NAV2: variants seen among roughly 807,000 people sequenced by gnomAD.
The protein encoded by NAV2 is helicase, APC down-regulated 1.
In NAV2, 54 loss-of-function variants were observed where a neutral mutation model predicts 223.2. The ratio of observed to expected loss-of-function variants is 0.24; its 90% confidence interval spans 0.19 to 0.30. The LOEUF (loss-of-function observed/expected upper bound fraction) is 0.30. Among genes scored for constraint, NAV2 ranks in the 10% least tolerant of loss-of-function variants. The pLI, the probability that NAV2 is intolerant of heterozygous loss-of-function variation, is 1.00. For synonymous variants in NAV2, 1,279 were observed against 1,239.3 expected (o/e 1.03, Z -0.67); for missense variants, 2,806 against 3,147.5 (o/e 0.89, Z 2.60).
At chr11:20,103,140 T>A in intron 32 of NAV2, 115 bp from the exon 33 acceptor site, 1 of 994,426 alleles carries the variant, frequency 1.0e-6, no homozygotes, top group South Asian at 1.7e-5. Context: ...CAGCGCAGAA[T>A]CATGAAGGGC....
At chr11:20,068,107 A>G in intron 20 of NAV2, 79 bp from the exon 21 acceptor site, 1 of 1,251,638 alleles carries the variant, frequency 8.0e-7, no homozygotes, top group East Asian at 2.3e-5. Flanking sequence ...AACCATCTGA[A>G]TATGGTGTTC....
intron 35 of NAV2, among the ~76,000 whole-genome samples, chr11:20,106,297 G>A (rs1850046275): frequency 7.0e-6 from 1 of 142,828 alleles, no homozygotes; most frequent in East Asian, 2.1e-4. Context: ...GGTGGCTCAT[G>A]CCTGTAATCT....
chr11:19,360,557 A>G (rs1853875772), intron 1 of NAV2, among the ~76,000 whole-genome samples: 1 of 152,260 alleles, frequency 6.6e-6, no homozygotes, highest in Non-Finnish European at 1.5e-5. Context: ...ATAGAGATAG[A>G]TCAGCCACCC....
intron 1 of NAV2, among the ~76,000 whole-genome samples, chr11:19,722,023 G>A (rs564544806): frequency 2.0e-5 from 3 of 152,340 alleles, no homozygotes; most frequent in South Asian, 4.1e-4. Flanking sequence ...TGCCTGAATA[G>A]TATTTGTCAC....
At chr11:19,668,714 C>T (rs188943103) in intron 1 of NAV2, among the ~76,000 whole-genome samples, 5 of 152,040 alleles carry the variant, frequency 3.3e-5, no homozygotes, top group Non-Finnish European at 5.9e-5. Flanking sequence ...AAGACAGGGA[C>T]GCTGAGCCAC....
chr11:19,937,512 A>G (rs1295915076), intron 7 of NAV2, among the ~76,000 whole-genome samples: 1 of 152,224 alleles, frequency 6.6e-6, no homozygotes, highest in East Asian at 1.9e-4. Flanking sequence ...GTTTACTAAG[A>G]GTTGTGTGTC....
At chr11:19,886,264 C>T (rs1432915090) in intron 5 of NAV2, among the ~76,000 whole-genome samples, 2 of 152,172 alleles carry the variant, frequency 1.3e-5, no homozygotes, top group Non-Finnish European at 2.9e-5. Context: ...AGGTGTGAGC[C>T]ACTGAGCTGC....
At chr11:19,644,392 C>T (rs1393776626) in intron 1 of NAV2, among the ~76,000 whole-genome samples, 6 of 152,186 alleles carry the variant, frequency 3.9e-5, no homozygotes, top group South Asian at 2.1e-4. Context: ...GCTGTTGCTG[C>T]GAGAAGCCTT....
At chr11:19,620,034 T>A (rs148710435) in intron 1 of NAV2, among the ~76,000 whole-genome samples, 2 of 152,070 alleles carry the variant, frequency 1.3e-5, no homozygotes, top group East Asian at 3.8e-4. Context: ...CCCCATTTCT[T>A]GTTTTTGTCA....
chr11:20,082,732 T>A, intron 25 of NAV2: 1 of 989,824 alleles, frequency 1.0e-6, no homozygotes, highest in Non-Finnish European at 1.6e-6. Flanking sequence ...CCAACATCCA[T>A]CTGCTGAGCC....
At chr11:20,017,753 T>C (rs923094838) in intron 11 of NAV2, among the ~76,000 whole-genome samples, 2 of 152,222 alleles carry the variant, frequency 1.3e-5, no homozygotes, top group Non-Finnish European at 2.9e-5. Flanking sequence ...ATAAACTCCC[T>C]AGTATTAACT....
intron 1 of NAV2, among the ~76,000 whole-genome samples, chr11:19,562,208 T>G (rs7112995): frequency 0.034 from 5,196 of 152,334 alleles, 289 homozygotes; most frequent in African/African-American, 0.11. Flanking sequence ...AAGTGTTATC[T>G]ATATTTTCTC....
chr11:19,687,701 A>G (rs909147915), intron 1 of NAV2, among the ~76,000 whole-genome samples: 15 of 152,216 alleles, frequency 9.9e-5, no homozygotes, highest in Admixed American at 6.5e-5. Flanking sequence ...CAGATATGGC[A>G]AATGGCTGCA....
intron 22 of NAV2, among the ~76,000 whole-genome samples, chr11:20,075,209 GTTT>G (rs1564994379): frequency 1.9e-5 from 2 of 104,972 alleles, no homozygotes; most frequent in Non-Finnish European, 4.1e-5. Context: ...CATGTTTTTT[GTTT>G]TTTTGTTTTG....
At chr11:19,944,037 A>C (rs2046627152) in intron 8 of NAV2, among the ~76,000 whole-genome samples, 1 of 151,874 alleles carries the variant, frequency 6.6e-6, no homozygotes, top group Admixed American at 6.6e-5. Context: ...GTATCTACTA[A>C]AAACAAAAAA....
Position 19,401,893 on chromosome 11 carries a change from C to T in NAV2, c.75+50866C>T, listed in dbSNP as rs538838729. 5 of 152,352 alleles carry T rather than the reference C, an allele frequency of 3.3e-5. No homozygotes were observed. The East Asian group carries it at 5.8e-4, about 18-fold the overall frequency. The allele number at this position is 152,352 out of a possible 1,614,324, so 9.4% of individuals were successfully genotyped here. A position where few individuals can be genotyped will look rare whatever the true frequency, so the allele number is the denominator to read the frequency against. On this transcript the variant is annotated intron_variant, in intron 1 of 37. Coordinates refer to the NAV2 transcript ENST00000360655. The stretch of plus-strand genomic sequence containing the variant: ...GTCACATTCACGTGCACACAAATTT[C>T]TCCCATCCAAGTACTAACCAGGCCC...
intron 1 of NAV2, among the ~76,000 whole-genome samples, chr11:19,362,113 T>G (rs1172969850): frequency 3.9e-5 from 6 of 152,166 alleles, no homozygotes; most frequent in Admixed American, 6.5e-5. Context: ...CACTGTCACT[T>G]TAACTTCACT....
At chr11:19,793,278 G>A (rs1254998282) in intron 1 of NAV2, among the ~76,000 whole-genome samples, 1 of 150,084 alleles carries the variant, frequency 6.7e-6, no homozygotes, top group Non-Finnish European at 1.5e-5. Flanking sequence ...CCCTGGATTT[G>A]TCTCAGTGCA....
chr11:19,530,707 T>C (rs2044004297), intron 1 of NAV2, among the ~76,000 whole-genome samples: 1 of 152,176 alleles, frequency 6.6e-6, no homozygotes, highest in African/African-American at 2.4e-5. Flanking sequence ...ACAACAGTAA[T>C]AAAGTAATAA....
Sources: gnomAD v4.1 joint callset for allele counts (sites outside exome capture counted in the v4.1 genomes callset) on GRCh38, gnomAD v4.1.1 for gene constraint, MANE v1.5 for transcripts, NCBI Gene and HGNC (gene_info 2026-07-23, HGNC 2026-07-21) for gene names.